MIS18A: variants seen among roughly 807,000 people sequenced by gnomAD.
MIS18A encodes the protein MIS18 kinetochore protein A, also known as protein Mis18-alpha.
MIS18A carries 14 observed loss-of-function variants against 25.0 expected under a neutral mutation model. That is an observed-to-expected ratio of 0.56 (90% CI 0.37 to 0.88). The LOEUF is 0.88. Among genes scored for constraint, MIS18A ranks in the 40% least tolerant of loss-of-function variants. MIS18A has a pLI of 0.00. For synonymous variants in MIS18A, 134 were observed against 118.6 expected (o/e 1.13, Z -0.84); for missense variants, 292 against 290.8 (o/e 1.00, Z -0.03).
the MIS18A span, among the ~76,000 whole-genome samples, chr21:32,204,502 A>G: frequency 6.6e-6 from 1 of 151,738 alleles, no homozygotes; most frequent in African/African-American, 2.4e-5. Context: ...ATCTCAGAAA[A>G]AAAAGAAAAA....
the MIS18A span, among the ~76,000 whole-genome samples, chr21:32,259,615 G>C: frequency 6.6e-6 from 1 of 152,182 alleles, no homozygotes; most frequent in Non-Finnish European, 1.5e-5. Flanking sequence ...GCAGCAGGTG[G>C]TTTTCAATGC....
intron 2 of MIS18A, 162 bp from the exon 3 acceptor site, chr21:32,270,691 C>A: frequency 1.4e-6 from 1 of 697,926 alleles, no homozygotes. Context: ...AAGATATTTA[C>A]AATAAAAATG....
chr21:32,261,401 G>A, the MIS18A span: 2 of 152,354 alleles, frequency 1.3e-5, no homozygotes, highest in East Asian at 1.9e-4. Flanking sequence ...TTAAAAATAA[G>A]AGAGCAGTTC....
At chr21:32,156,721 C>CG in the MIS18A span, among the ~76,000 whole-genome samples, 5 of 151,868 alleles carry the variant, frequency 3.3e-5, no homozygotes, top group African/African-American at 7.3e-5. Context: ...GGGTTTCCAG[C>CG]GGGGGGTTGC....
At chr21:32,250,455 A>C in the MIS18A span, among the ~76,000 whole-genome samples, 2 of 152,114 alleles carry the variant, frequency 1.3e-5, no homozygotes, top group African/African-American at 2.4e-5. Context: ...CCACGTGACT[A>C]TGGGACCTCA....
chr21:32,267,138 C>A (rs985863059), downstream of MIS18A, among the ~76,000 whole-genome samples: 1 of 152,224 alleles, frequency 6.6e-6, no homozygotes, highest in African/African-American at 2.4e-5. Context: ...ATGCAGCACT[C>A]CCACCTGGAC....
intron 1 of MIS18A, among the ~76,000 whole-genome samples, chr21:32,277,400 A>G (rs192742205): frequency 6.6e-6 from 1 of 152,358 alleles, no homozygotes; most frequent in African/African-American, 2.4e-5. Flanking sequence ...CATGTAAACA[A>G]GGGAATCTCA....
chr21:32,191,048 G>T, the MIS18A span, among the ~76,000 whole-genome samples: 3 of 152,196 alleles, frequency 2.0e-5, no homozygotes, highest in African/African-American at 7.2e-5. Flanking sequence ...TGTGTAACCT[G>T]AGTTCAGCCC....
At chr21:32,239,769 C>T in the MIS18A span, among the ~76,000 whole-genome samples, 1 of 152,170 alleles carries the variant, frequency 6.6e-6, no homozygotes, top group African/African-American at 2.4e-5. Flanking sequence ...TCTGTTGCTG[C>T]TTTTAAACAA....
chr21:32,266,063 T>C (rs2031593318), downstream of MIS18A, among the ~76,000 whole-genome samples: 1 of 151,978 alleles, frequency 6.6e-6, no homozygotes, highest in African/African-American at 2.4e-5. Context: ...AGAACCTTTA[T>C]GTCTAGCTCA....
At chr21:32,181,515 G>T in the MIS18A span, among the ~76,000 whole-genome samples, 1 of 152,102 alleles carries the variant, frequency 6.6e-6, no homozygotes, top group South Asian at 2.1e-4. Context: ...GGAGAAATGA[G>T]GCTTCTACCA....
At chr21:32,269,235 G>C (rs1271268231) in intron 4 of MIS18A, 118 bp from the exon 5 acceptor site, 1 of 727,826 alleles carries the variant, frequency 1.4e-6, no homozygotes, top group Non-Finnish European at 2.2e-6. Context: ...TACATTACAA[G>C]GTAGATATTC....
At chr21:32,214,991 G>T in the MIS18A span, among the ~76,000 whole-genome samples, 1 of 152,286 alleles carries the variant, frequency 6.6e-6, no homozygotes, top group East Asian at 1.9e-4. Context: ...GGAGCCAAGG[G>T]GACAAACTCA....
At chr21:32,259,643 C>T in the MIS18A span, among the ~76,000 whole-genome samples, 3 of 152,190 alleles carry the variant, frequency 2.0e-5, no homozygotes, top group African/African-American at 7.2e-5. Context: ...TCCAAGTCTC[C>T]TCTTGGGATG....
chr21:32,173,722 G>A, the MIS18A span, among the ~76,000 whole-genome samples: 5 of 152,046 alleles, frequency 3.3e-5, no homozygotes, highest in African/African-American at 1.2e-4. Context: ...CAAATCCACA[G>A]AAACAGAAAA....
chr21:32,223,847 A>G, the MIS18A span, among the ~76,000 whole-genome samples: 1 of 152,240 alleles, frequency 6.6e-6, no homozygotes, highest in Non-Finnish European at 1.5e-5. Flanking sequence ...TCAGGCCAAT[A>G]TCCCTGATGA....
the MIS18A span, among the ~76,000 whole-genome samples, chr21:32,158,166 T>C: frequency 6.6e-6 from 1 of 152,216 alleles, no homozygotes; most frequent in East Asian, 1.9e-4. Flanking sequence ...GGCAGGTCTT[T>C]ACTTGTCTGT....
At chr21:32,215,799 A>G in the MIS18A span, among the ~76,000 whole-genome samples, 1 of 152,174 alleles carries the variant, frequency 6.6e-6, no homozygotes, top group African/African-American at 2.4e-5. Context: ...GATTACAGTG[A>G]CCTAGAGTAC....
the MIS18A span, among the ~76,000 whole-genome samples, chr21:32,199,637 G>C: frequency 6.6e-6 from 1 of 151,800 alleles, no homozygotes; most frequent in African/African-American, 2.4e-5. Flanking sequence ...GTAAAACCCC[G>C]CCTCTACTAA....
Sources: gnomAD v4.1 joint callset for allele counts (sites outside exome capture counted in the v4.1 genomes callset) on GRCh38, gnomAD v4.1.1 for gene constraint, MANE v1.5 for transcripts, NCBI Gene and HGNC (gene_info 2026-07-23, HGNC 2026-07-21) for gene names.